COL7A1: variants seen among roughly 807,000 people sequenced by gnomAD.
COL7A1 encodes collagen alpha-1(VII) chain.
COL7A1 carries 296 observed loss-of-function variants against 456.2 expected under a neutral mutation model. The ratio of observed to expected loss-of-function variants is 0.65; its 90% CI spans 0.59 to 0.71. The LOEUF (loss-of-function observed/expected upper bound fraction) is 0.71. Among genes scored for constraint, COL7A1 ranks in the 30% least tolerant of loss-of-function variants. COL7A1 has a pLI of 0.00. For synonymous variants in COL7A1, 1,464 were observed against 1,525.9 expected (o/e 0.96, Z 0.95); for missense variants, 3,441 against 4,017.2 (o/e 0.86, Z 3.88).
chr3:48,568,440 C>T lies in COL7A1; in HGVS notation c.7794+59G>A. On this transcript the variant is annotated intron_variant, in intron 105 of 118. Transcript: ENST00000681320. The surrounding 1 kb of genome is among the most constrained non-coding windows in gnomAD (Gnocchi z 5.2). ...AAAAGCTACCACACTGGTGGGACCACCATGGTGACGGGGGCCCTCTGGGGA... is the reference window on the plus strand; with the variant it reads ...AAAAGCTACCACACTGGTGGGACCATCATGGTGACGGGGGCCCTCTGGGGA... 3 of 1,525,596 alleles carry T rather than the reference C, an allele frequency of 2.0e-6. No homozygotes were observed. The highest frequency in any genetic ancestry group is 1.4e-5 in the African/African-American group (1 of 72,876). 94.5% of individuals were successfully genotyped at this position (1,525,596 alleles called of 1,614,324 possible).
chr3:48,571,007 A>C lies in COL7A1; in HGVS notation c.7165-39T>G, dbSNP rs201237097. ...AGCAAAGGGAGGGAATGGTCAATGC[A>C]GGACCCCTCCCAGGACTCTCATCAG... On this transcript the variant is annotated intron_variant, in intron 94 of 118. Transcript: ENST00000681320. The surrounding 1 kb of genome is among the most constrained non-coding windows in gnomAD (Gnocchi z 4.6). The C allele has an allele frequency of 5.6e-6, 9 of 1,610,642 alleles. No individual in the cohort carries two copies. In the African/African-American group the frequency reaches 1.2e-4, roughly 21 times the overall value.
rs770143917 is a variant in COL7A1 at position 48,581,902 on chromosome 3, C to T, written c.4668+9G>A. Reference sequence around the variant, plus strand: ...GTAGAAACCTCCCCTTGCCCCATACCAGGCTTACCTTTTCTCCTTTGGGTC... The same window carrying T: ...GTAGAAACCTCCCCTTGCCCCATACTAGGCTTACCTTTTCTCCTTTGGGTC... On this transcript the variant is annotated intron_variant, in intron 48 of 118. Transcript: ENST00000681320. This position sits in a 1 kb window ranked among gnomAD's most constrained non-coding sequence, Gnocchi z 5.8. 3.1e-6 allele frequency: 5 copies of T among 1,614,092 alleles called. No individual in the cohort carries two copies. The highest frequency in any genetic ancestry group is 2.2e-5 in the South Asian group (2 of 91,086).
intron 35 of COL7A1, 28 bp downstream of exon 35, chr3:48,584,706 C>T (rs369641850): frequency 4.2e-5 from 67 of 1,613,798 alleles, no homozygotes; most frequent in Non-Finnish European, 5.5e-5. Flanking sequence ...TGGGACATCC[C>T]GGCCGCCTCC....
In COL7A1 at chr3:48,579,102, G is replaced by A. The variant is rs1032862608; in HGVS notation, c.5388+95C>T. ...GACAACAGGTCTCGCCCCAGAGCTC[G>A]TCAAGGCCAAGACCAACCAATGAGG... On this transcript the variant is annotated intron_variant, in intron 62 of 118. Transcript: ENST00000681320. The surrounding 1 kb of genome is among the most constrained non-coding windows in gnomAD (Gnocchi z 4.4). 97 of 1,561,818 alleles carry A rather than the reference G, an allele frequency of 6.2e-5. No homozygotes were observed. The Admixed American group carries it at 8.2e-4, about 13-fold the overall frequency.
rs2043658036 is a variant in COL7A1, at chr3:48,567,484, T to TTCCTTGTCCCTACACCCC, written c.8046+72_8046+89dup. 1 of 1,565,944 alleles carries TTCCTTGTCCCTACACCCC rather than the reference T, an allele frequency of 6.4e-7. No individual in the cohort carries two copies. Among genetic ancestry groups the TTCCTTGTCCCTACACCCC allele is most frequent in the Non-Finnish European group, 8.8e-7 (1 of 1,138,090 alleles). On this transcript the variant is annotated intron_variant, in intron 109 of 118. Coordinates refer to ENST00000681320, the MANE Select transcript of COL7A1 (RefSeq NM_000094.4). The surrounding 1 kb of genome is among the most constrained non-coding windows in gnomAD (Gnocchi z 4.3). Reference sequence around the variant, plus strand: ...CCCAAAGTCCCAACCCTCTACAGCCTTCCTTGTCCCTACACCCCCATGACC... The same window carrying TTCCTTGTCCCTACACCCC: ...CCCAAAGTCCCAACCCTCTACAGCCTTCCTTGTCCCTACACCCCTCCTTGTCCCTACACCCCCATGACC...
At position 48,575,312 on chromosome 3, in the gene COL7A1, A is replaced by C. The variant is rs2044217567; in HGVS notation, c.6180+27T>G. ...CACCCCTCCCAACCCCTCTTCCCTC[A>C]CTCTCCTGGCCAGCCCCCAGCCTCA... is the stretch of plus-strand genomic sequence containing the variant. On this transcript the variant is annotated intron_variant, in intron 74 of 118. Coordinates refer to ENST00000681320, the MANE Select transcript of COL7A1 (RefSeq NM_000094.4). This position sits in a 1 kb window ranked among gnomAD's most constrained non-coding sequence, Gnocchi z 6.3. 2 of 1,254,276 alleles carry C rather than the reference A, an allele frequency of 1.6e-6. No homozygotes were observed. The highest frequency in any genetic ancestry group is 1.2e-5 in the South Asian group (1 of 85,202). 77.7% of individuals were successfully genotyped at this position (1,254,276 alleles called of 1,614,324 possible).
In COL7A1 at chr3:48,575,524, G is replaced by T; in HGVS notation, c.5995C>A (p.Pro1999Thr). The T allele has an allele frequency of 1.2e-6, 2 of 1,612,844 alleles. No homozygotes were observed. The highest frequency in any genetic ancestry group is 1.7e-6 in the Non-Finnish European group (2 of 1,179,982). The change falls in exon 74 of 119, where the codon CCT becomes ACT. Residue 1999 changes from proline to threonine, a missense_variant. Physicochemically the swap from Pro to Thr is conservative, Grantham distance 38. This residue lies in a region of COL7A1 where 2,084 missense variants were observed against 2,501.3 expected (regional missense o/e 0.83). Coordinates refer to ENST00000681320, the MANE Select transcript of COL7A1 (RefSeq NM_000094.4). The surrounding 1 kb of genome is among the most constrained non-coding windows in gnomAD (Gnocchi z 6.3). ...TCGCCCTTCAGCCCGCGTTCTCCAG[G>T]AAAGCCGATGGGGCCCTGCAGGAGT... ...PPGKEGPIGF[P>T]GERGLKGDRG... is the part of the protein sequence containing the mutation.
At position 48,591,743 on chromosome 3, in the gene COL7A1, CTCAGTG is replaced by C; in HGVS notation, c.1431_1436del (p.Thr478_Glu479del). On this transcript the variant is annotated inframe_deletion, in exon 12 of 119. Transcript: ENST00000681320. This position sits in a 1 kb window ranked among gnomAD's most constrained non-coding sequence, Gnocchi z 7.0. ...GCAGAGTGTAGAGTGTGAGGCGGTACTCAGTGCCCGGCTGCAGCCCATCCAACTGGT... is the reference window on the plus strand; with the variant it reads ...GCAGAGTGTAGAGTGTGAGGCGGTACCCCGGCTGCAGCCCATCCAACTGGT... 6.2e-7 allele frequency: 1 copy of C among 1,614,184 alleles called. No individual in the cohort carries two copies. Among genetic ancestry groups the C allele is most frequent in the Non-Finnish European group, 8.5e-7 (1 of 1,180,024 alleles).
In COL7A1 at chr3:48,594,666, C is replaced by G. The variant is rs1559443772; in HGVS notation, c.86-118G>C. 1 of 1,273,900 alleles carries G rather than the reference C, an allele frequency of 7.8e-7. No homozygotes were observed. Among genetic ancestry groups the G allele is most frequent in the Non-Finnish European group, 1.1e-6 (1 of 922,140 alleles). The allele number at this position is 1,273,900 out of a possible 1,614,324, so 78.9% of individuals were successfully genotyped here. ...AGAGTAGGCCTCATCTTATGCAAAC[C>G]AGGGCCGAATCGGCCTGAGCCTGAG... On this transcript the variant is annotated intron_variant, in intron 2 of 118. Coordinates refer to ENST00000681320, the MANE Select transcript of COL7A1 (RefSeq NM_000094.4). The surrounding 1 kb of genome is among the most constrained non-coding windows in gnomAD (Gnocchi z 5.5).
rs781447208 is a variant in COL7A1, at chr3:48,580,267, C to T, written c.5097+33G>A. 1 of 1,606,164 alleles carries T rather than the reference C, an allele frequency of 6.2e-7. No individual in the cohort carries two copies. The highest frequency in any genetic ancestry group is 8.5e-7 in the Non-Finnish European group (1 of 1,175,996). On this transcript the variant is annotated intron_variant, in intron 56 of 118. Coordinates refer to ENST00000681320, the MANE Select transcript of COL7A1 (RefSeq NM_000094.4). The surrounding 1 kb of genome is among the most constrained non-coding windows in gnomAD (Gnocchi z 4.5). ...GCAGCAGCGCCAGGGGACCCTCCATCCCTTCTGAGCCCAGGACACCAGCCC... is the reference window on the plus strand; with the variant it reads ...GCAGCAGCGCCAGGGGACCCTCCATTCCTTCTGAGCCCAGGACACCAGCCC...
In COL7A1 at chr3:48,568,994, T is replaced by C. The variant is rs1168230218; in HGVS notation, c.7687-139A>G. 15 of 832,658 alleles carry C rather than the reference T, an allele frequency of 1.8e-5. No individual in the cohort carries two copies. Among genetic ancestry groups the C allele is most frequent in the African/African-American group, 8.4e-5 (5 of 59,674 alleles). 51.6% of individuals were successfully genotyped at this position (832,658 alleles called of 1,614,324 possible). A position where few individuals can be genotyped will look rare whatever the true frequency, so the allele number is the denominator to read the frequency against. On this transcript the variant is annotated intron_variant, in intron 103 of 118. Coordinates refer to ENST00000681320, the MANE Select transcript of COL7A1 (RefSeq NM_000094.4). This position sits in a 1 kb window ranked among gnomAD's most constrained non-coding sequence, Gnocchi z 5.2. ...CAGCACGTCCTCCCAGCCTGTGCCATAGCGGGTGGAACTGGGGGCTGTAGT... is the reference window on the plus strand; with the variant it reads ...CAGCACGTCCTCCCAGCCTGTGCCACAGCGGGTGGAACTGGGGGCTGTAGT...
Position 48,585,501 on chromosome 3 carries a change from C to T in COL7A1, c.3894+56G>A. On this transcript the variant is annotated intron_variant, in intron 32 of 118. Coordinates refer to ENST00000681320, the MANE Select transcript of COL7A1 (RefSeq NM_000094.4). This position sits in a 1 kb window ranked among gnomAD's most constrained non-coding sequence, Gnocchi z 4.5. The stretch of plus-strand genomic sequence containing the variant: ...GCTTCTTCCTTCTCTCTTGTAAAAA[C>T]CCCGAGACAGCTTTGAGGAGTGCCT... 3 of 1,580,670 alleles carry T rather than the reference C, an allele frequency of 1.9e-6. No homozygotes were observed. The highest frequency in any genetic ancestry group is 2.6e-6 in the Non-Finnish European group (3 of 1,151,246).
Position 48,585,797 on chromosome 3 carries a change from C to A in COL7A1, c.3786+33G>T, listed in dbSNP as rs1009213956. ...TCTCCTGCCCCACTGACACTCAACC[C>A]ATTCTCTATTCCCCGCCCGCAGGGG... is the stretch of plus-strand genomic sequence containing the variant. On this transcript the variant is annotated intron_variant, in intron 30 of 118. Transcript: ENST00000681320. This position sits in a 1 kb window ranked among gnomAD's most constrained non-coding sequence, Gnocchi z 4.5. 2 of 1,613,970 alleles carry A rather than the reference C, an allele frequency of 1.2e-6. No individual in the cohort carries two copies. Among genetic ancestry groups the A allele is most frequent in the African/African-American group, 2.7e-5 (2 of 74,926 alleles).
rs748683397 is a variant in COL7A1, at chr3:48,584,875, G to A, written c.4011+35C>T. 5 of 1,614,026 alleles carry A rather than the reference G, an allele frequency of 3.1e-6. No homozygotes were observed. In the South Asian group the frequency reaches 3.3e-5, roughly 11 times the overall value. Reference sequence around the variant, plus strand: ...CCACCCTGTGGAAGAACCCTGGGAAGACACTTAGAGAGCAAAGAAGGGAAG... The same window carrying A: ...CCACCCTGTGGAAGAACCCTGGGAAAACACTTAGAGAGCAAAGAAGGGAAG... On this transcript the variant is annotated intron_variant, in intron 34 of 118. Coordinates refer to ENST00000681320, the MANE Select transcript of COL7A1 (RefSeq NM_000094.4).
Position 48,566,457 on chromosome 3 carries a change from A to AGCCCACCCAG in COL7A1, c.8358+43_8358+52dup, listed in dbSNP as rs539663232. The AGCCCACCCAG allele has an allele frequency of 9.3e-6, 15 of 1,607,842 alleles. No individual in the cohort carries two copies. The highest frequency in any genetic ancestry group is 2.7e-5 in the African/African-American group (2 of 74,782). ...TGCTGGGTGAGGGAGGTAGGGCCCC[A>AGCCCACCCAG]GCCCACCCAGGCCCACCCAGGCCCT... On this transcript the variant is annotated intron_variant, in intron 113 of 118. Transcript: ENST00000681320. The surrounding 1 kb of genome is among the most constrained non-coding windows in gnomAD (Gnocchi z 5.9).
rs750891753 is a variant in COL7A1 at position 48,568,058 on chromosome 3, C to T, written c.7875+32G>A. ...GCCCTTCAACATTAGGCCTTCCTGA[C>T]CAGAAAAAAACCAATCTTGTTTCTT... On this transcript the variant is annotated intron_variant, in intron 106 of 118. Transcript: ENST00000681320. The surrounding 1 kb of genome is among the most constrained non-coding windows in gnomAD (Gnocchi z 5.2). 1.2e-6 allele frequency: 2 copies of T among 1,613,718 alleles called. No individual in the cohort carries two copies. The highest frequency in any genetic ancestry group is 2.2e-5 in the South Asian group (2 of 91,064).
Position 48,578,360 on chromosome 3 carries a change from C to T in COL7A1, c.5493G>A (p.Lys1831=). Residue 1831 remains lysine (K), a synonymous_variant, in exon 65 of 119, where the codon AAG becomes AAA. Transcript: ENST00000681320. The surrounding 1 kb of genome is among the most constrained non-coding windows in gnomAD (Gnocchi z 4.7). Reference sequence around the variant, plus strand: ...GGCCAGGTTTGCCATCCTCGCCTGGCTTTCCCTGTGGGAACAGATCACTGG... The same window carrying T: ...GGCCAGGTTTGCCATCCTCGCCTGGTTTTCCCTGTGGGAACAGATCACTGG... ...GPSGPPGLPG[K]PGEDGKPGLN... is the part of the protein sequence containing the mutation. 1 of 1,613,168 alleles carries T rather than the reference C, an allele frequency of 6.2e-7. No individual in the cohort carries two copies. The highest frequency in any genetic ancestry group is 8.5e-7 in the Non-Finnish European group (1 of 1,180,034).
Position 48,593,427 on chromosome 3 carries a change from C to G in COL7A1, c.449G>C (p.Gly150Ala). ...VPKVCILITD[G>A]KSQDLVDTAA... Reference sequence around the variant, plus strand: ...TGTGTCCACCAGGTCCTGGGACTTCCCGTCTGTGATCAGGATGCAGACCTG... The same window carrying G: ...TGTGTCCACCAGGTCCTGGGACTTCGCGTCTGTGATCAGGATGCAGACCTG... Residue 150 changes from glycine to alanine, a missense_variant, in exon 5 of 119, where the codon GGG (glycine) becomes GCG (alanine). Physicochemically the swap from Gly to Ala is moderately conservative, Grantham distance 60. Around this residue, in one of 3 missense-constraint regions of COL7A1, gnomAD observed 913 missense variants for 1,088.2 expected, o/e 0.84. Transcript: ENST00000681320. This position sits in a 1 kb window ranked among gnomAD's most constrained non-coding sequence, Gnocchi z 4.4. 6.2e-7 allele frequency: 1 copy of G among 1,614,088 alleles called. No homozygotes were observed. Among genetic ancestry groups the G allele is most frequent in the Non-Finnish European group, 8.5e-7 (1 of 1,180,028 alleles).
chr3:48,571,593 G>A lies in COL7A1; in HGVS notation c.7069-315C>T, dbSNP rs2043923854. ...TGCGGACACACGGGCGCTCAGAGGG[G>A]AACCCCAACACGTCCACTCCCGGGT... On this transcript the variant is annotated intron_variant, in intron 92 of 118. Transcript: ENST00000681320. This position sits in a 1 kb window ranked among gnomAD's most constrained non-coding sequence, Gnocchi z 4.6. 1.5e-6 allele frequency: 1 copy of A among 666,804 alleles called. No homozygotes were observed. Among genetic ancestry groups the A allele is most frequent in the Admixed American group, 2.1e-5 (1 of 48,358 alleles). 41.3% of individuals were successfully genotyped at this position (666,804 alleles called of 1,614,324 possible). A position where few individuals can be genotyped will look rare whatever the true frequency, so the allele number is the denominator to read the frequency against.
Sources: allele counts gnomAD v4.1 joint callset, GRCh38; gene constraint gnomAD v4.1.1; regional missense constraint gnomAD v4.1.1; non-coding constraint Gnocchi (gnomAD v3.1); transcripts MANE v1.5; gene names NCBI Gene and HGNC (gene_info 2026-07-23, HGNC 2026-07-21).